Variants in GASK1A observed in about 807,000 individuals in gnomAD.
GASK1A encodes Golgi-associated kinase 1A.
In GASK1A, 40 loss-of-function variants were observed where a neutral mutation model predicts 41.2. That is an observed-to-expected ratio of 0.97 (90% CI 0.75 to 1.27). The LOEUF (loss-of-function observed/expected upper bound fraction) is 1.27. GASK1A is among the 50% of genes most tolerant of loss of function. The pLI, the probability that GASK1A is intolerant of heterozygous loss-of-function variation, is 0.00. For synonymous variants in GASK1A, 316 were observed against 307.1 expected (o/e 1.03, Z -0.30); for missense variants, 678 against 745.1 (o/e 0.91, Z 1.05).
At chr3:43,011,720 GGGCTACGT>G (rs2089464404) in intron 1 of GASK1A, among the ~76,000 whole-genome samples, 2 of 151,614 alleles carry the variant, frequency 1.3e-5, no homozygotes, top group South Asian at 4.2e-4. Flanking sequence ...CCAGAGAAAG[GGGCTACGT>G]GACATCACAG....
At chr3:43,032,214 T>G in intron 1 of GASK1A, 53 bp from the exon 2 acceptor site, 23 of 1,381,178 alleles carry the variant, frequency 1.7e-5, no homozygotes, top group Non-Finnish European at 1.9e-5. Context: ...TTTTGTGGGT[T>G]GAGCTGATGT....
chr3:43,011,441 C>T (rs923084777), intron 1 of GASK1A, among the ~76,000 whole-genome samples: 1 of 151,334 alleles, frequency 6.6e-6, no homozygotes, highest in Non-Finnish European at 1.5e-5. Flanking sequence ...CAAATAGGAA[C>T]CTTTTTCTGT....
At position 43,042,049 on chromosome 3, in the gene GASK1A, A is replaced by G. The variant is rs575612429; in HGVS notation, c.1290+8496A>G. Among the ~76,000 whole-genome samples, 87 of 152,172 alleles carry G rather than the reference A, an allele frequency of 5.7e-4. 2 individuals carry two copies. In the South Asian group the frequency reaches 0.018, roughly 32 times the overall value. ...CCCAGATCAGGCACTGCTTGAGGAA[A>G]CCATCTTGGCCCCAGAGACATGACA... is the stretch of plus-strand genomic sequence containing the variant. On this transcript the variant is annotated intron_variant, in intron 2 of 4. Coordinates refer to ENST00000430121, the MANE Select transcript of GASK1A (RefSeq NM_001129908.3).
chr3:43,013,837 A>G (rs1463916650), intron 1 of GASK1A, among the ~76,000 whole-genome samples: 3 of 150,080 alleles, frequency 2.0e-5, no homozygotes, highest in Non-Finnish European at 4.5e-5. Flanking sequence ...AGGTCAGAGG[A>G]AGTGGCAGTG....
intron 2 of GASK1A, among the ~76,000 whole-genome samples, chr3:43,035,729 C>A (rs578026859): frequency 2.0e-5 from 3 of 152,038 alleles, no homozygotes; most frequent in South Asian, 2.1e-4. Context: ...CAGTGCCTGG[C>A]GGGTGGCACA....
chr3:43,024,772 T>G (rs1044646438), intron 1 of GASK1A, among the ~76,000 whole-genome samples: 14 of 152,130 alleles, frequency 9.2e-5, no homozygotes, highest in Admixed American at 2.6e-4. Flanking sequence ...GAGATGCAAT[T>G]GTGAGCCCAT....
chr3:42,996,353 T>C (rs1022329446), intron 1 of GASK1A, among the ~76,000 whole-genome samples: 2 of 152,206 alleles, frequency 1.3e-5, no homozygotes, highest in African/African-American at 4.8e-5. Context: ...TAGTGTTTAG[T>C]AGAGTGATTT....
At chr3:43,023,288 C>T (rs1445969896) in intron 1 of GASK1A, among the ~76,000 whole-genome samples, 2 of 152,174 alleles carry the variant, frequency 1.3e-5, no homozygotes, top group African/African-American at 2.4e-5. Flanking sequence ...AGGCAAGGAA[C>T]AGATTCTCCC....
chr3:43,013,253 T>A (rs955333624), intron 1 of GASK1A, among the ~76,000 whole-genome samples: 1 of 149,912 alleles, frequency 6.7e-6, no homozygotes, highest in Non-Finnish European at 1.5e-5. Context: ...GAAGAGGCAA[T>A]GTGAAGCCAC....
At chr3:42,981,584 C>T (rs577152841) in intron 1 of GASK1A, among the ~76,000 whole-genome samples, 3 of 152,052 alleles carry the variant, frequency 2.0e-5, no homozygotes, top group Non-Finnish European at 4.4e-5. Flanking sequence ...TCAGGCTGCC[C>T]CCATCCCCCA....
chr3:43,008,949 G>A (rs890226128), intron 1 of GASK1A, among the ~76,000 whole-genome samples: 1 of 152,196 alleles, frequency 6.6e-6, no homozygotes, highest in Non-Finnish European at 1.5e-5. Flanking sequence ...TAAAGGAGGT[G>A]CTGGAGTTCC....
At chr3:43,038,422 T>C (rs769762086) in intron 2 of GASK1A, among the ~76,000 whole-genome samples, 1 of 152,226 alleles carries the variant, frequency 6.6e-6, no homozygotes, top group Admixed American at 6.5e-5. Flanking sequence ...ACCTTGAAAT[T>C]GTATGATTAT....
At chr3:43,050,911 C>T (rs774196981) in intron 2 of GASK1A, among the ~76,000 whole-genome samples, 20 of 151,812 alleles carry the variant, frequency 1.3e-4, no homozygotes, top group East Asian at 1.9e-4. Flanking sequence ...GGTGAGGTAT[C>T]GTTCTCATAC....
chr3:43,036,273 C>T (rs563416715), intron 2 of GASK1A, among the ~76,000 whole-genome samples: 4 of 152,318 alleles, frequency 2.6e-5, no homozygotes, highest in Admixed American at 2.0e-4. Flanking sequence ...AAGCACCCCC[C>T]GTCTGGCTAA....
intron 1 of GASK1A, among the ~76,000 whole-genome samples, chr3:42,983,188 CT>C (rs1394523102): frequency 1.3e-5 from 2 of 152,148 alleles, no homozygotes; most frequent in Non-Finnish European, 2.9e-5. Flanking sequence ...TGGGTAAGCG[CT>C]GCCTTGCTCT....
In GASK1A at chr3:43,036,674, A is replaced by G. The variant is rs147138697; in HGVS notation, c.1290+3121A>G. ...TTCTTGCTCCAGGATCTGTGGGTCA[A>G]TTGGATTCAACTGAGGTGGAAAAAA... On this transcript the variant is annotated intron_variant, in intron 2 of 4. Coordinates refer to ENST00000430121, the MANE Select transcript of GASK1A (RefSeq NM_001129908.3). Among the ~76,000 whole-genome samples, 471 of 152,280 alleles carry G rather than the reference A, an allele frequency of 3.1e-3. 20 individuals carry two copies. In the East Asian group the frequency reaches 0.079, roughly 26 times the overall value.
rs537081832 is a variant in GASK1A, at chr3:43,004,351, C to T, written c.3+24706C>T. Among the ~76,000 whole-genome samples the T allele has an allele frequency of 5.9e-4, 90 of 152,322 alleles. 1 individual carries two copies. The South Asian group carries it at 9.1e-3, about 15-fold the overall frequency. ...ACCTAGCAGTTGAGACTGCAGATGT[C>T]AGATCTTGCCAATACTTCCCCCAGG... is the stretch of plus-strand genomic sequence containing the variant. On this transcript the variant is annotated intron_variant, in intron 1 of 4. Coordinates refer to ENST00000430121, the MANE Select transcript of GASK1A (RefSeq NM_001129908.3).
chr3:43,003,582 C>T (rs2125677541), intron 1 of GASK1A, among the ~76,000 whole-genome samples: 1 of 151,794 alleles, frequency 6.6e-6, no homozygotes, highest in African/African-American at 2.4e-5. Flanking sequence ...AGTGGTAGCA[C>T]ACTGGTAGCA....
chr3:43,009,213 C>T (rs375861450), intron 1 of GASK1A, among the ~76,000 whole-genome samples: 7 of 152,112 alleles, frequency 4.6e-5, no homozygotes, highest in Non-Finnish European at 7.3e-5. Flanking sequence ...TATCCTTCAG[C>T]GCATCCTTCT....
Sources: allele counts gnomAD v4.1 joint callset (sites outside exome capture counted in the v4.1 genomes callset), GRCh38; gene constraint gnomAD v4.1.1; transcripts MANE v1.5; gene names NCBI Gene and HGNC (gene_info 2026-07-23, HGNC 2026-07-21).